CDC25C: variants seen among roughly 807,000 people sequenced by gnomAD.
CDC25C encodes M-phase inducer phosphatase 3.
In CDC25C, 48 loss-of-function variants were observed where a neutral mutation model predicts 52.5. The observed-to-expected ratio is 0.91, with a 90% confidence interval of 0.72 to 1.16. CDC25C has a LOEUF of 1.16. Ranked by LOEUF, CDC25C falls within the 50% of genes most tolerant of loss-of-function variation. The pLI is 0.00. For synonymous variants in CDC25C, 187 were observed against 206.5 expected, an observed-to-expected ratio of 0.91 and a Z score of 0.81; for missense variants, 510 against 566.1, an observed-to-expected ratio of 0.90 and a Z score of 1.01.
At chr5:138,311,492 C>T (rs994276207) in intron 7 of CDC25C, among the ~76,000 whole-genome samples, 5 of 152,000 alleles carry the variant, frequency 3.3e-5, no homozygotes, top group African/African-American at 1.2e-4. Flanking sequence ...CTACTATGGA[C>T]ACTGAGGTGG....
chr5:138,307,208 A>G (rs942187755), intron 7 of CDC25C, among the ~76,000 whole-genome samples: 1 of 152,028 alleles, frequency 6.6e-6, no homozygotes, highest in African/African-American at 2.4e-5. Context: ...GCCATCAATC[A>G]AAAATGACTT....
chr5:138,298,000 CTT>C (rs879325877), intron 7 of CDC25C, among the ~76,000 whole-genome samples: 3 of 143,906 alleles, frequency 2.1e-5, no homozygotes, highest in Non-Finnish European at 4.6e-5. Flanking sequence ...AGTATGGTAC[CTT>C]TTTTTTTTTT....
Position 138,326,014 on chromosome 5 carries a change from TA to T in CDC25C, c.369+6del. 6.2e-7 allele frequency: 1 copy of T among 1,614,188 alleles called. No homozygotes were observed. Among genetic ancestry groups the T allele is most frequent in the Non-Finnish European group, 8.5e-7 (1 of 1,180,008 alleles). ...AAACAAAACCCAAAAAAAGAGAGGCTACTCACTGGGCTACATTTCATTAGGT... is the reference window on the plus strand; with the variant it reads ...AAACAAAACCCAAAAAAAGAGAGGCTCTCACTGGGCTACATTTCATTAGGT... On this transcript the variant is annotated splice_donor_region_variant and intron_variant, in intron 5 of 13. Transcript: ENST00000323760.
chr5:138,289,665 C>T, intron 9 of CDC25C, 102 bp from the exon 10 acceptor site: 3 of 865,866 alleles, frequency 3.5e-6, no homozygotes, highest in South Asian at 1.4e-5. Flanking sequence ...CCTTAAAACC[C>T]CAGAGGCCTT....
chr5:138,325,812 C>CA lies in CDC25C; in HGVS notation c.459+2dup, dbSNP rs1324311279. 5.0e-6 allele frequency: 8 copies of CA among 1,604,518 alleles called. No individual in the cohort carries two copies. Among genetic ancestry groups the CA allele is most frequent in the Non-Finnish European group, 6.8e-6 (8 of 1,171,602 alleles). Reference sequence around the variant, plus strand: ...TATATCTAGGTTTCCATTAAACACTCACATTTTCTTTATTTGCAGATGAAC... The same window carrying CA: ...TATATCTAGGTTTCCATTAAACACTCAACATTTTCTTTATTTGCAGATGAAC... On this transcript the variant is annotated splice_region_variant and intron_variant, in intron 6 of 13. Transcript: ENST00000323760.
chr5:138,338,241 G>C (rs1042417659), exon 1 of CDC25C: 1 of 1,174,074 alleles, frequency 8.5e-7, no homozygotes, highest in Non-Finnish European at 1.1e-6. Flanking sequence ...CCTTTTAAGG[G>C]CACCGTGGGG....
At chr5:138,309,570 C>T (rs939063560) in intron 7 of CDC25C, among the ~76,000 whole-genome samples, 2 of 151,128 alleles carry the variant, frequency 1.3e-5, no homozygotes, top group African/African-American at 2.4e-5. Context: ...AATAAAAGGG[C>T]GATGGGGGGA....
chr5:138,296,124 C>T (rs1043328903), intron 7 of CDC25C, among the ~76,000 whole-genome samples: 3 of 152,208 alleles, frequency 2.0e-5, no homozygotes, highest in Admixed American at 6.6e-5. Context: ...ATCTGACAGT[C>T]ACTTCTCTAG....
At chr5:138,338,101 A>G (rs1161277108) in exon 1 of CDC25C, 14 of 1,289,704 alleles carry the variant, frequency 1.1e-5, no homozygotes, top group Non-Finnish European at 1.4e-5. Flanking sequence ...CGTTCCCAAC[A>G]GCGCTGTCCG....
At chr5:138,292,163 T>A in intron 7 of CDC25C, 47 bp from the exon 8 acceptor site, 8 of 1,498,024 alleles carry the variant, frequency 5.3e-6, no homozygotes, top group Non-Finnish European at 7.3e-6. Flanking sequence ...TCCAAGTGTG[T>A]CTGCAGACCT....
At chr5:138,321,372 A>T (rs976217773) in intron 6 of CDC25C, among the ~76,000 whole-genome samples, 2 of 150,608 alleles carry the variant, frequency 1.3e-5, no homozygotes, top group East Asian at 2.4e-4. Flanking sequence ...TACTGCAATT[A>T]AAAAAAATCA....
intron 13 of CDC25C, 72 bp from the exon 14 acceptor site, chr5:138,285,913 C>G: frequency 6.4e-7 from 1 of 1,563,458 alleles, no homozygotes; most frequent in South Asian, 1.1e-5. Flanking sequence ...AATAGAGATG[C>G]TGCTGCTGGC....
chr5:138,335,650 G>A (rs547509302), upstream of CDC25C, among the ~76,000 whole-genome samples: 3 of 152,232 alleles, frequency 2.0e-5, no homozygotes, highest in African/African-American at 7.2e-5. Context: ...AACTAAAAGT[G>A]GAATAAGGAG....
chr5:138,307,490 C>CAAAAAAAAAAAAAAAAAAAAAAA (rs57593237), intron 7 of CDC25C, among the ~76,000 whole-genome samples: 1 of 88,246 alleles, frequency 1.1e-5, no homozygotes, highest in African/African-American at 4.6e-5. Flanking sequence ...GAGACTGCCA[C>CAAAAAAAAAAAAAAAAAAAAAAA]AAAAAAAAAA....
At position 138,285,785 on chromosome 5, in the gene CDC25C, C is replaced by A. The variant is rs1756159707; in HGVS notation, c.1329G>T (p.Glu443Asp). 6.2e-6 allele frequency: 10 copies of A among 1,614,196 alleles called. No homozygotes were observed. The highest frequency in any genetic ancestry group is 8.5e-6 in the Non-Finnish European group (10 of 1,180,014). Residue 443 changes from glutamate to aspartate, a missense_variant, in exon 14 of 14, where the codon GAG (glutamate) becomes GAT (aspartate). Coordinates refer to ENST00000323760, the MANE Select transcript of CDC25C (RefSeq NM_001790.5). ...CPMHHQDHKT[E>D]LLRCRSQSKV... ...TGCTCTGGCTTCGACACCTCAGCAA[C>A]TCAGTCTTGTGGTCCTGATGATGCA...
intron 7 of CDC25C, among the ~76,000 whole-genome samples, chr5:138,304,331 CTTTTTTTTTTT>C (rs558050918): frequency 9.9e-6 from 1 of 100,898 alleles, no homozygotes; most frequent in Admixed American, 1.1e-4. Flanking sequence ...CCATGCCTGG[CTTTTTTTTTTT>C]TTTTTTTTTT....
chr5:138,333,542 T>C (rs2126862261), upstream of CDC25C: 1 of 152,290 alleles, frequency 6.6e-6, no homozygotes, highest in East Asian at 1.9e-4. Flanking sequence ...AGTTTGAAAA[T>C]CAGGCTGGGG....
chr5:138,309,075 T>C (rs1469053879), intron 7 of CDC25C, among the ~76,000 whole-genome samples: 1 of 152,182 alleles, frequency 6.6e-6, no homozygotes, highest in Non-Finnish European at 1.5e-5. Flanking sequence ...CTTTCCATTC[T>C]AGTCTCTGTA....
At chr5:138,287,460 T>C (rs1267719890) in intron 10 of CDC25C, among the ~76,000 whole-genome samples, 193 bp from the exon 11 acceptor site, 1 of 152,146 alleles carries the variant, frequency 6.6e-6, no homozygotes, top group East Asian at 1.9e-4. Context: ...AAGTGGCCCT[T>C]TTAGAGAACC....
Sources: allele counts gnomAD v4.1 joint callset (sites outside exome capture counted in the v4.1 genomes callset), GRCh38; gene constraint gnomAD v4.1.1; transcripts MANE v1.5; gene names NCBI Gene and HGNC (gene_info 2026-07-23, HGNC 2026-07-21).